The following ADAMTSL3 variants were observed in gnomAD, a reference collection of about 807,000 sequenced individuals.
ADAMTSL3 encodes ADAMTS like 3, also known as ADAMTS-like protein 3.
A neutral mutation model predicts 201.7 loss-of-function variants in ADAMTSL3; 128 were observed. That is an observed-to-expected ratio of 0.63 (90% CI 0.55 to 0.73). The LOEUF is 0.73. ADAMTSL3 is among the 30% of genes least tolerant of loss of function. The pLI is 0.00. For missense variants in ADAMTSL3, 1,990 were observed against 2,119.6 expected (o/e 0.94, Z 1.20); for synonymous variants, 738 against 748.4 (o/e 0.99, Z 0.23).
intron 2 of ADAMTSL3, among the ~76,000 whole-genome samples, chr15:83,667,796 T>G (rs1549464): frequency 0.99 from 151,257 of 152,060 alleles, 75,231 homozygotes; most frequent in East Asian, 1. Flanking sequence ...GATTGTCCAT[T>G]TGTACAAAAC....
intron 4 of ADAMTSL3, among the ~76,000 whole-genome samples, chr15:83,779,728 A>G (rs1442983342): frequency 6.6e-6 from 1 of 151,124 alleles, no homozygotes; most frequent in African/African-American, 2.4e-5. Context: ...AGGAAAAACA[A>G]TCTCTCAGAC....
intron 28 of ADAMTSL3, 121 bp downstream of exon 28, chr15:84,031,553 A>G (rs2068410228): frequency 1.2e-6 from 1 of 845,546 alleles, no homozygotes; most frequent in Non-Finnish European, 1.9e-6. Context: ...GACAGTTTTC[A>G]ATTATGATTT....
At chr15:84,036,462 C>G (rs1018834593) in intron 28 of ADAMTSL3, among the ~76,000 whole-genome samples, 2 of 152,194 alleles carry the variant, frequency 1.3e-5, no homozygotes, top group East Asian at 1.9e-4. Context: ...AAATTGATTT[C>G]TTCCAGCTAG....
chr15:84,039,332 C>G lies in ADAMTSL3; in HGVS notation c.*1526C>G, dbSNP rs528439751. The G allele has an allele frequency of 6.5e-6, 1 of 152,738 alleles. No individual in the cohort carries two copies. Among genetic ancestry groups the G allele is most frequent in the South Asian group, 2.1e-4 (1 of 4,826 alleles). 9.5% of individuals were successfully genotyped at this position (152,738 alleles called of 1,614,324 possible). On this transcript the variant is annotated 3_prime_UTR_variant, in exon 30 of 30. Transcript: ENST00000286744. ...CTGTGGACAAGCTTGCTGAGTTTCT[C>G]TACCATATTCTGAGCACACGGTCTC...
intron 7 of ADAMTSL3, among the ~76,000 whole-genome samples, chr15:83,840,167 G>A (rs562152454): frequency 5.3e-5 from 8 of 152,262 alleles, no homozygotes; most frequent in African/African-American, 1.9e-4. Context: ...GAATCCAACC[G>A]AGAAGGAATG....
At chr15:83,973,202 C>A (rs1220901841) in intron 20 of ADAMTSL3, among the ~76,000 whole-genome samples, 1 of 152,144 alleles carries the variant, frequency 6.6e-6, no homozygotes, top group Non-Finnish European at 1.5e-5. Flanking sequence ...CTTAGACTTC[C>A]TCACTACTTG....
intron 9 of ADAMTSL3, among the ~76,000 whole-genome samples, chr15:83,874,771 A>G (rs2065147907): frequency 6.9e-6 from 1 of 143,950 alleles, no homozygotes. Flanking sequence ...TAGTGTGCTC[A>G]CTGGCAGCAA....
intron 7 of ADAMTSL3, among the ~76,000 whole-genome samples, chr15:83,849,706 A>G (rs987135025): frequency 6.6e-6 from 1 of 152,208 alleles, no homozygotes; most frequent in Non-Finnish European, 1.5e-5. Context: ...CAATTTATGA[A>G]TGGCCCATTC....
chr15:83,887,969 A>G (rs1217743691), intron 10 of ADAMTSL3, among the ~76,000 whole-genome samples: 2 of 152,170 alleles, frequency 1.3e-5, no homozygotes, highest in African/African-American at 4.8e-5. Flanking sequence ...ATTTGGATCC[A>G]TAAGATAAAA....
At chr15:83,724,073 T>G (rs2062138385) in intron 3 of ADAMTSL3, among the ~76,000 whole-genome samples, 1 of 151,756 alleles carries the variant, frequency 6.6e-6, no homozygotes, top group African/African-American at 2.4e-5. Context: ...TTTTTTTTAA[T>G]TTTTAAATTT....
intron 23 of ADAMTSL3, among the ~76,000 whole-genome samples, chr15:84,010,026 T>G (rs1292489726): frequency 6.6e-6 from 1 of 152,264 alleles, no homozygotes; most frequent in Non-Finnish European, 1.5e-5. Context: ...TTGGACTGAT[T>G]GTAAGAGGCA....
In ADAMTSL3 at chr15:83,799,990, T is replaced by A. The variant is rs371028629; in HGVS notation, c.318-4660T>A. The stretch of plus-strand genomic sequence containing the variant: ...ATTTTATGTCTGTTTCATAAAGTAG[T>A]CTTTCATTTTCATACTAAATTGTAA... On this transcript the variant is annotated intron_variant, in intron 4 of 29. Coordinates refer to ENST00000286744, the MANE Select transcript of ADAMTSL3 (RefSeq NM_207517.3). Among the ~76,000 whole-genome samples, 7 of 152,204 alleles carry A rather than the reference T, an allele frequency of 4.6e-5. No homozygotes were observed. The East Asian group carries it at 1.2e-3, about 25-fold the overall frequency.
At chr15:83,759,699 AT>A (rs2062778252) in intron 3 of ADAMTSL3, among the ~76,000 whole-genome samples, 1 of 152,196 alleles carries the variant, frequency 6.6e-6, no homozygotes, top group Non-Finnish European at 1.5e-5. Context: ...CAAAGATGGG[AT>A]TTAGGGTGAA....
chr15:83,950,195 G>C (rs1343093954), intron 19 of ADAMTSL3, among the ~76,000 whole-genome samples: 5 of 151,988 alleles, frequency 3.3e-5, no homozygotes, highest in Admixed American at 3.3e-4. Flanking sequence ...TATTAAGAGA[G>C]AGGGGTCTAG....
intron 2 of ADAMTSL3, among the ~76,000 whole-genome samples, chr15:83,667,301 C>G (rs2061261268): frequency 6.6e-6 from 1 of 152,048 alleles, no homozygotes; most frequent in Non-Finnish European, 1.5e-5. Flanking sequence ...GCAAGACCTC[C>G]CTTCATTATT....
intron 2 of ADAMTSL3, among the ~76,000 whole-genome samples, chr15:83,656,901 G>A (rs924371748): frequency 2.6e-5 from 4 of 152,144 alleles, no homozygotes; most frequent in African/African-American, 9.7e-5. Context: ...CACTTTCTTG[G>A]ACTTAGTGCC....
intron 19 of ADAMTSL3, among the ~76,000 whole-genome samples, chr15:83,956,260 C>G (rs1033179163): frequency 1.3e-5 from 2 of 152,180 alleles, no homozygotes; most frequent in Admixed American, 6.5e-5. Context: ...CACAGATTCT[C>G]TCTCCGTGCC....
rs147340160 is a variant in ADAMTSL3, at chr15:83,697,911, A to G, written c.70-6478A>G. On this transcript the variant is annotated intron_variant, in intron 2 of 29. Coordinates refer to ENST00000286744, the MANE Select transcript of ADAMTSL3 (RefSeq NM_207517.3). ...TTGGTTCCCCTGGCAACCAGCCCCCATCCTGAGGCTATCCAGGGGTCCACC... is the reference window on the plus strand; with the variant it reads ...TTGGTTCCCCTGGCAACCAGCCCCCGTCCTGAGGCTATCCAGGGGTCCACC... 4.8e-3 allele frequency among the ~76,000 whole-genome samples: 737 copies of G among 152,150 alleles called. 5 individuals carry two copies. Among genetic ancestry groups the G allele is most frequent in the African/African-American group, 0.016 (670 of 41,502 alleles).
At chr15:83,997,439 A>C (rs990532752) in intron 23 of ADAMTSL3, among the ~76,000 whole-genome samples, 1 of 152,262 alleles carries the variant, frequency 6.6e-6, no homozygotes, top group African/African-American at 2.4e-5. Context: ...AATACAAAAA[A>C]TTAGCCAGGT....
Sources: gnomAD v4.1 joint callset for allele counts (sites outside exome capture counted in the v4.1 genomes callset) on GRCh38, gnomAD v4.1.1 for gene constraint, MANE v1.5 for transcripts, NCBI Gene and HGNC (gene_info 2026-07-23, HGNC 2026-07-21) for gene names.